Variants in DENND1B observed in about 807,000 individuals in gnomAD.
DENND1B encodes the protein DENN domain-containing protein 1B.
A neutral mutation model predicts 90.1 loss-of-function variants in DENND1B; 59 were observed. That is an observed-to-expected ratio of 0.65 (90% CI 0.53 to 0.81). DENND1B has a LOEUF of 0.81. DENND1B is among the 40% of genes least tolerant of loss of function. The pLI is 0.00. For missense variants in DENND1B, 862 were observed against 912.6 expected (o/e 0.94, Z 0.71); for synonymous variants, 337 against 324.6 (o/e 1.04, Z -0.41).
intron 10 of DENND1B, among the ~76,000 whole-genome samples, chr1:197,618,645 T>G (rs577442269): frequency 2.0e-5 from 3 of 151,290 alleles, no homozygotes; most frequent in African/African-American, 7.2e-5. Flanking sequence ...ATTATATTTC[T>G]GTAGATGTAA....
At chr1:197,561,144 T>C (rs1672127573) in intron 15 of DENND1B, among the ~76,000 whole-genome samples, 1 of 151,992 alleles carries the variant, frequency 6.6e-6, no homozygotes, top group African/African-American at 2.4e-5. Flanking sequence ...TCTAGTTATG[T>C]GCTATTCCAT....
In DENND1B at chr1:197,509,340, A is replaced by ATT. The variant is rs1291517936; in HGVS notation, c.*1119_*1120insAA. 3 of 151,822 alleles carry ATT rather than the reference A, an allele frequency of 2.0e-5. No homozygotes were observed. The East Asian group carries it at 5.8e-4, about 29-fold the overall frequency. 9.4% of individuals were successfully genotyped at this position (151,822 alleles called of 1,614,324 possible). A position where few individuals can be genotyped will look rare whatever the true frequency, so the allele number is the denominator to read the frequency against. Reference sequence around the variant, plus strand: ...GCCTAAGGAGACATTCCAACTCAATATAGTGTGGTATTCTGAATAGGATCT... The same window carrying ATT: ...GCCTAAGGAGACATTCCAACTCAATATTTAGTGTGGTATTCTGAATAGGATCT... On this transcript the variant is annotated 3_prime_UTR_variant, in exon 23 of 23. Coordinates refer to ENST00000620048, the MANE Select transcript of DENND1B (RefSeq NM_001195215.2).
At chr1:197,606,888 C>T in intron 13 of DENND1B, 185 bp downstream of exon 13, 1 of 541,198 alleles carries the variant, frequency 1.8e-6, no homozygotes, top group Non-Finnish European at 3.2e-6. Context: ...TATGATGTTC[C>T]ATTCAAAATC....
rs2125920233 is a variant in DENND1B at position 197,643,664 on chromosome 1, A to C, written c.562-843T>G. On this transcript the variant is annotated intron_variant, in intron 9 of 22. Transcript: ENST00000620048. ...CAGCCCTTTGGTACTTTATTAAGGA[A>C]ATTACCTTGTTTATACTTCATGTCA... Among the ~76,000 whole-genome samples, 2 of 152,238 alleles carry C rather than the reference A, an allele frequency of 1.3e-5. 1 individual carries two copies. The highest frequency in any genetic ancestry group is 4.1e-4 in the South Asian group (2 of 4,820).
At chr1:197,568,359 G>T (rs1672867625) in intron 15 of DENND1B, among the ~76,000 whole-genome samples, 1 of 151,980 alleles carries the variant, frequency 6.6e-6, no homozygotes, top group Non-Finnish European at 1.5e-5. Flanking sequence ...AAAATATATA[G>T]AAAAATATTC....
chr1:197,560,091 T>C (rs1672040016), intron 15 of DENND1B, among the ~76,000 whole-genome samples: 1 of 151,958 alleles, frequency 6.6e-6, no homozygotes, highest in Non-Finnish European at 1.5e-5. Flanking sequence ...CAATGTACTA[T>C]TAAAACTAAT....
intron 2 of DENND1B, chr1:197,761,718 T>A (rs1268965958): frequency 1.3e-5 from 2 of 152,166 alleles, no homozygotes; most frequent in East Asian, 3.8e-4. Context: ...AAAATTATTA[T>A]TTTAATGAGT....
At chr1:197,682,872 C>G (rs1317201312) in intron 3 of DENND1B, among the ~76,000 whole-genome samples, 3 of 152,142 alleles carry the variant, frequency 2.0e-5, no homozygotes, top group African/African-American at 7.2e-5. Context: ...GGCCTTTAGG[C>G]CAATTAAAAA....
chr1:197,725,627 T>C (rs960550779), intron 2 of DENND1B, among the ~76,000 whole-genome samples: 4 of 151,428 alleles, frequency 2.6e-5, no homozygotes, highest in Non-Finnish European at 4.4e-5. Context: ...TGAAAAAGAC[T>C]ATAGCCTTGA....
upstream of DENND1B, among the ~76,000 whole-genome samples, chr1:197,777,266 T>C (rs547083484): frequency 3.3e-5 from 5 of 152,330 alleles, no homozygotes; most frequent in African/African-American, 1.2e-4. Flanking sequence ...ATACAATTGT[T>C]TTCCTCATCC....
rs11805812 is a variant in DENND1B, at chr1:197,700,625, A to C, written c.126+14406T>G. ...AAATGAGATGTAATTAAACTAACAGAAAAAGAAACTATCATCAGAATGAAC... is the reference window on the plus strand; with the variant it reads ...AAATGAGATGTAATTAAACTAACAGCAAAAGAAACTATCATCAGAATGAAC... On this transcript the variant is annotated intron_variant, in intron 3 of 22. Coordinates refer to ENST00000620048, the MANE Select transcript of DENND1B (RefSeq NM_001195215.2). Among the ~76,000 whole-genome samples, 881 of 151,424 alleles carry C rather than the reference A, an allele frequency of 5.8e-3. 9 individuals are homozygous for C. The highest frequency in any genetic ancestry group is 0.02 in the African/African-American group (814 of 41,428).
In DENND1B at chr1:197,574,558, C is replaced by G. The variant is rs1673481938; in HGVS notation, c.1149+8594G>C. On this transcript the variant is annotated intron_variant, in intron 15 of 22. Transcript: ENST00000620048. ...TTCAATGCCATCCCCATGAAGCTAC[C>G]AATGACTTTCTTCACAGAATTGGAA... is the stretch of plus-strand genomic sequence containing the variant. 2.0e-5 allele frequency among the ~76,000 whole-genome samples: 3 copies of G among 152,222 alleles called. No individual in the cohort carries two copies. The South Asian group carries it at 6.2e-4, about 32-fold the overall frequency.
chr1:197,748,629 CAGA>C (rs1165115027), intron 2 of DENND1B, among the ~76,000 whole-genome samples: 1 of 152,082 alleles, frequency 6.6e-6, no homozygotes, highest in Non-Finnish European at 1.5e-5. Flanking sequence ...GCTTTGAAGA[CAGA>C]AGGAGGCCAA....
At chr1:197,606,257 GAC>G (rs1491515127) in intron 13 of DENND1B, 4 of 150,814 alleles carry the variant, frequency 2.7e-5, no homozygotes, top group Non-Finnish European at 5.9e-5. Flanking sequence ...ATAAGCTGCA[GAC>G]ACACGCACAC....
At chr1:197,638,522 G>C (rs1174728526) in intron 10 of DENND1B, among the ~76,000 whole-genome samples, 1 of 152,180 alleles carries the variant, frequency 6.6e-6, no homozygotes, top group Non-Finnish European at 1.5e-5. Context: ...TGAATAGTTA[G>C]AGAAAGTCTG....
intron 3 of DENND1B, among the ~76,000 whole-genome samples, chr1:197,701,540 C>T (rs894175521): frequency 1.3e-5 from 2 of 151,642 alleles, no homozygotes; most frequent in South Asian, 4.2e-4. Flanking sequence ...ACTTGTATCC[C>T]CCCCTTCCCC....
chr1:197,582,283 T>G (rs1017128073), intron 15 of DENND1B, among the ~76,000 whole-genome samples: 1 of 152,146 alleles, frequency 6.6e-6, no homozygotes, highest in Non-Finnish European at 1.5e-5. Context: ...AATTTGAAGG[T>G]TATTTTGAGT....
At chr1:197,770,902 A>G (rs898405653) in intron 2 of DENND1B, among the ~76,000 whole-genome samples, 1 of 143,428 alleles carries the variant, frequency 7.0e-6, no homozygotes, top group Middle Eastern at 3.3e-3. Flanking sequence ...ATATATCTAT[A>G]TATCTATATA....
intron 5 of DENND1B, among the ~76,000 whole-genome samples, chr1:197,666,995 G>T (rs557372615): frequency 6.6e-6 from 1 of 152,048 alleles, no homozygotes; most frequent in African/African-American, 2.4e-5. Context: ...TTAGCTGGGC[G>T]TGGTGGCGCA....
Sources: gnomAD v4.1 joint callset for allele counts (sites outside exome capture counted in the v4.1 genomes callset) on GRCh38, gnomAD v4.1.1 for gene constraint, MANE v1.5 for transcripts, NCBI Gene and HGNC (gene_info 2026-07-23, HGNC 2026-07-21) for gene names.